Variants in CARD10 observed in about 807,000 individuals in gnomAD.
The protein encoded by CARD10 is caspase recruitment domain family member 10.
In CARD10, 49 loss-of-function variants were observed where a neutral mutation model predicts 114.6. The observed-to-expected ratio is 0.43, with a 90% CI of 0.34 to 0.54. The LOEUF (loss-of-function observed/expected upper bound fraction) is 0.54, where lower values mean the gene tolerates loss of function less well. Among genes scored for constraint, CARD10 ranks in the 20% least tolerant of loss-of-function variants. The pLI is 0.03. For missense variants in CARD10, 1,206 were observed against 1,397.2 expected (o/e 0.86, Z 2.18); for synonymous variants, 602 against 593.2 (o/e 1.01, Z -0.21).
chr22:37,495,550 C>A lies in CARD10; in HGVS notation c.2340G>T (p.Leu780=). The change falls in exon 15 of 20, where the codon CTG becomes CTT. Residue 780 remains leucine (L), a synonymous_variant. Coordinates refer to ENST00000251973, the MANE Select transcript of CARD10 (RefSeq NM_014550.4). ...QQLLEVQEKC[L]PSSRHRGPRS... The stretch of plus-strand genomic sequence containing the variant: ...GGGGGCCTCGGTGCCGGCTGGAGGG[C>A]AGGCATTTCTCCTGAACTTCTAGGA... The A allele has an allele frequency of 1.2e-6, 2 of 1,613,236 alleles. No individual in the cohort carries two copies. The highest frequency in any genetic ancestry group is 2.2e-5 in the East Asian group (1 of 44,852).
In CARD10 at chr22:37,491,321, G is replaced by A. The variant is rs1922765140; in HGVS notation, c.2937C>T (p.Leu979=). 2 of 1,561,424 alleles carry A rather than the reference G, an allele frequency of 1.3e-6. No homozygotes were observed. The highest frequency in any genetic ancestry group is 1.7e-6 in the Non-Finnish European group (2 of 1,159,534). Residue 979 remains leucine (L), a synonymous_variant, in exon 20 of 20, where the codon CTC becomes CTT. Transcript: ENST00000251973. The part of the protein sequence containing the change: ...LRQCRGSEQV[L]WGLPCSWVQV... Reference sequence around the variant, plus strand: ...GCACCCAGGAGCAGGGCAGCCCCCAGAGCACCTGCTCTGAGCCACGGCACT... The same window carrying A: ...GCACCCAGGAGCAGGGCAGCCCCCAAAGCACCTGCTCTGAGCCACGGCACT...
chr22:37,502,770 G>A (rs1479760378), intron 10 of CARD10, 45 bp from the exon 11 acceptor site: 4 of 1,593,092 alleles, frequency 2.5e-6, no homozygotes, highest in Non-Finnish European at 3.4e-6. Context: ...CTGGGAAACA[G>A]GGATGGCCAG....
At chr22:37,509,070 TTCAAGGGGC>T (rs1923519530) in intron 4 of CARD10, 2 of 1,548,904 alleles carry the variant, frequency 1.3e-6, no homozygotes, top group Non-Finnish European at 8.7e-7. Context: ...ACTAGGGGTC[TTCAAGGGGC>T]TGAGCCTGGC....
At position 37,518,966 on chromosome 22, in the gene CARD10, C is replaced by A; in HGVS notation, c.235G>T (p.Gly79Trp). 2 of 1,531,594 alleles carry A rather than the reference C, an allele frequency of 1.3e-6. No individual in the cohort carries two copies. The highest frequency in any genetic ancestry group is 1.8e-6 in the Non-Finnish European group (2 of 1,140,986). The allele number at this position is 1,531,594 out of a possible 1,614,324, so 94.9% of individuals were successfully genotyped here. ...YRFPCRVNRT[G>W]RLMDILRCRG... ...GGCCCACTCGGGACCCGCGGCTCAC[C>A]GGTGCGGTTGACGCGGCACGGGAAG... The change falls in exon 1 of 20, where the codon GGG becomes TGG. Residue 79 changes from glycine (G) to tryptophan (W), a missense_variant and splice_region_variant. Around this residue, in one of 2 missense-constraint regions of CARD10, gnomAD observed 138 missense variants for 218.0 expected, o/e 0.63. Coordinates refer to ENST00000251973, the MANE Select transcript of CARD10 (RefSeq NM_014550.4).
At chr22:37,508,434 C>A in intron 5 of CARD10, 93 bp downstream of exon 5, 1 of 1,326,796 alleles carries the variant, frequency 7.5e-7, no homozygotes, top group Non-Finnish European at 1.0e-6. Context: ...CAGCGCGGCG[C>A]CTGCGTCAAG....
intron 19 of CARD10, 57 bp from the exon 20 acceptor site, chr22:37,491,450 CAGGGAGAG>C: frequency 7.7e-7 from 1 of 1,292,262 alleles, no homozygotes. Flanking sequence ...GACAGAGAGA[CAGGGAGAG>C]AGGGACAGAC....
Position 37,510,265 on chromosome 22 carries a change from C to G in CARD10, c.856G>C (p.Glu286Gln). The G allele has an allele frequency of 1.2e-6, 2 of 1,604,340 alleles. No homozygotes were observed. Among genetic ancestry groups the G allele is most frequent in the Non-Finnish European group, 1.7e-6 (2 of 1,179,878 alleles). Residue 286 changes from glutamate to glutamine, a missense_variant, in exon 4 of 20, where the codon GAG becomes CAG. By Grantham distance (29) the Glu-to-Gln change is conservative. Around this residue, in one of 2 missense-constraint regions of CARD10, gnomAD observed 1,068 missense variants for 1,179.1 expected, o/e 0.91. Transcript: ENST00000251973. ...NVDLVSELRAENQRLTASLRE... is the reference protein window; with the variant it reads ...NVDLVSELRAQNQRLTASLRE... ...AGTGACGCCGTCAGCCGCTGGTTCT[C>G]AGCACGCAGCTCAGAGACAAGGTCC...
chr22:37,510,942 C>A (rs183514640), intron 3 of CARD10, among the ~76,000 whole-genome samples: 4 of 152,130 alleles, frequency 2.6e-5, no homozygotes, highest in Admixed American at 2.0e-4. Context: ...ATGAGCTGGG[C>A]GTGGTGGCAC....
At chr22:37,510,700 C>T in intron 3 of CARD10, 1 of 454,086 alleles carries the variant, frequency 2.2e-6, no homozygotes, top group Non-Finnish European at 4.0e-6. Flanking sequence ...TCACGACACG[C>T]TGTCTGTCCC....
rs1031722247 is a variant in CARD10, at chr22:37,496,674, C to T, written c.1948-114G>A. On this transcript the variant is annotated intron_variant, in intron 12 of 19. Transcript: ENST00000251973. This position sits in a 1 kb window ranked among gnomAD's most constrained non-coding sequence, Gnocchi z 4.1. ...GTTTCATGCCTCACAGTTCAGATAG[C>T]GCCCCCTCAGAAACTGCCATGCCCA... The T allele has an allele frequency of 5.1e-5, 40 of 779,410 alleles. No homozygotes were observed. The highest frequency in any genetic ancestry group is 9.4e-5 in the Admixed American group (4 of 42,522). The allele number at this position is 779,410 out of a possible 1,614,324, so 48.3% of individuals were successfully genotyped here.
chr22:37,514,448 G>A (rs1261649577), intron 3 of CARD10, among the ~76,000 whole-genome samples: 1 of 152,046 alleles, frequency 6.6e-6, no homozygotes, highest in Non-Finnish European at 1.5e-5. Context: ...GAAAGCCTCC[G>A]TCTCCTGCCA....
At chr22:37,498,479 G>A (rs1923088609) in intron 11 of CARD10, among the ~76,000 whole-genome samples, 1 of 152,208 alleles carries the variant, frequency 6.6e-6, no homozygotes, top group Non-Finnish European at 1.5e-5. Context: ...AGAGGCAGCG[G>A]GGCGAAGCAT....
chr22:37,519,318 G>A lies in CARD10; in HGVS notation c.-118C>T. On this transcript the variant is annotated 5_prime_UTR_variant, in exon 1 of 20. Transcript: ENST00000251973. This position sits in a 1 kb window ranked among gnomAD's most constrained non-coding sequence, Gnocchi z 4.1. ...CGTCCGCAGACCCGCCGTCGGGGGC[G>A]CGCCCCGAGCTCCCCGCGACTCACC... The A allele has an allele frequency of 1.5e-6, 2 of 1,340,122 alleles. No individual in the cohort carries two copies. The highest frequency in any genetic ancestry group is 9.5e-7 in the Non-Finnish European group (1 of 1,049,104). The allele number at this position is 1,340,122 out of a possible 1,614,324, so 83.0% of individuals were successfully genotyped here.
At position 37,491,249 on chromosome 22, in the gene CARD10, C is replaced by T; in HGVS notation, c.3009G>A (p.Val1003=). 3.2e-6 allele frequency: 5 copies of T among 1,567,070 alleles called. No homozygotes were observed. Among genetic ancestry groups the T allele is most frequent in the Non-Finnish European group, 4.3e-6 (5 of 1,161,458 alleles). ...EWGHAEELAK[V]VRGRILQEQA... ...GCTCCTGCAGGATGCGGCCGCGCACCACCTTGGCCAGCTCCTCTGCGTGTC... is the reference window on the plus strand; with the variant it reads ...GCTCCTGCAGGATGCGGCCGCGCACTACCTTGGCCAGCTCCTCTGCGTGTC... The change falls in exon 20 of 20, where the codon GTG becomes GTA. Residue 1003 remains valine, a synonymous_variant. Transcript: ENST00000251973.
At chr22:37,491,647 A>G (rs1403612950) in intron 19 of CARD10, 108 bp downstream of exon 19, 6 of 284,034 alleles carry the variant, frequency 2.1e-5, no homozygotes, top group Non-Finnish European at 3.8e-5. Flanking sequence ...AGAGAGGGGG[A>G]GGGAGAAAGA....
chr22:37,495,540 G>A lies in CARD10; in HGVS notation c.2350C>T (p.Arg784Trp), dbSNP rs745445545. 2.5e-5 allele frequency: 40 copies of A among 1,612,674 alleles called. No homozygotes were observed. The highest frequency in any genetic ancestry group is 4.0e-5 in the African/African-American group (3 of 74,930). ...EVQEKCLPSSRHRGPRSNLKK... is the reference protein window; with the variant it reads ...EVQEKCLPSSWHRGPRSNLKK... ...ACATTACTGCGGGGGCCTCGGTGCCGGCTGGAGGGCAGGCATTTCTCCTGA... is the reference window on the plus strand; with the variant it reads ...ACATTACTGCGGGGGCCTCGGTGCCAGCTGGAGGGCAGGCATTTCTCCTGA... Residue 784 changes from arginine (R) to tryptophan (W), a missense_variant, in exon 15 of 20, where the codon CGG becomes TGG. Physicochemically the swap from Arg to Trp is moderately radical, Grantham distance 101. This residue lies in a region of CARD10 where 1,068 missense variants were observed against 1,179.1 expected (regional missense o/e 0.91). Transcript: ENST00000251973.
In CARD10 at chr22:37,490,758, A is replaced by T; in HGVS notation, c.*401T>A. 5.3e-6 allele frequency: 1 copy of T among 187,984 alleles called. No homozygotes were observed. The highest frequency in any genetic ancestry group is 1.1e-5 in the Non-Finnish European group (1 of 91,362). The allele number at this position is 187,984 out of a possible 1,614,324, so 11.6% of individuals were successfully genotyped here. On this transcript the variant is annotated 3_prime_UTR_variant, in exon 20 of 20. Coordinates refer to ENST00000251973, the MANE Select transcript of CARD10 (RefSeq NM_014550.4). Reference sequence around the variant, plus strand: ...GGTCTCCTAGGAGCAGAACAGGCCCAGGTCCTCAGGAGACCTCGTGCCCAG... The same window carrying T: ...GGTCTCCTAGGAGCAGAACAGGCCCTGGTCCTCAGGAGACCTCGTGCCCAG...
At chr22:37,508,922 TG>T in intron 4 of CARD10, 1 of 1,442,616 alleles carries the variant, frequency 6.9e-7, no homozygotes, top group Non-Finnish European at 9.4e-7. Context: ...ATAAGCTAAG[TG>T]GAGAAGGGTG....
intron 3 of CARD10, 29 bp downstream of exon 3, chr22:37,515,944 C>T (rs966397065): frequency 6.6e-7 from 1 of 1,514,890 alleles, no homozygotes; most frequent in Admixed American, 2.0e-5. Context: ...CCTTCCCTTG[C>T]CTCCCCGACC....
Sources: allele counts gnomAD v4.1 joint callset (sites outside exome capture counted in the v4.1 genomes callset), GRCh38; gene constraint gnomAD v4.1.1; regional missense constraint gnomAD v4.1.1; non-coding constraint Gnocchi (gnomAD v3.1); transcripts MANE v1.5; gene names NCBI Gene and HGNC (gene_info 2026-07-23, HGNC 2026-07-21).